FAM227B: variants seen among roughly 807,000 people sequenced by gnomAD.
The protein encoded by FAM227B is protein FAM227B.
FAM227B carries 88 observed loss-of-function variants against 73.8 expected under a neutral mutation model. The observed-to-expected ratio is 1.19, with a 90% CI of 1.00 to 1.42. The LOEUF is 1.42. Among genes scored for constraint, FAM227B ranks in the 40% most tolerant of loss-of-function variants. FAM227B has a pLI of 0.00. For synonymous variants in FAM227B, 210 were observed against 190.5 expected (o/e 1.10, Z -0.84); for missense variants, 632 against 590.9 (o/e 1.07, Z -0.72).
At chr15:49,538,850 C>A (rs1049800409) in intron 10 of FAM227B, among the ~76,000 whole-genome samples, 1 of 151,878 alleles carries the variant, frequency 6.6e-6, no homozygotes, top group Non-Finnish European at 1.5e-5. Flanking sequence ...GTATCTTTTT[C>A]TATTGTTTAG....
intron 11 of FAM227B, among the ~76,000 whole-genome samples, chr15:49,411,454 T>C (rs2048868037): frequency 6.6e-6 from 1 of 152,142 alleles, no homozygotes. Context: ...ACTTCTGAGT[T>C]TGCATTCTGG....
chr15:49,409,521 A>T (rs940166558), intron 11 of FAM227B, among the ~76,000 whole-genome samples: 3 of 149,524 alleles, frequency 2.0e-5, no homozygotes, highest in Non-Finnish European at 4.4e-5. Flanking sequence ...ATATATAGTT[A>T]TATATATGTA....
chr15:49,573,387 T>G (rs1284868748), intron 8 of FAM227B, among the ~76,000 whole-genome samples: 1 of 152,174 alleles, frequency 6.6e-6, no homozygotes, highest in Admixed American at 6.5e-5. Context: ...GAAAAATGTG[T>G]ATTCTGCTGT....
chr15:49,419,775 AT>A (rs1567240635), intron 11 of FAM227B, among the ~76,000 whole-genome samples: 3 of 151,388 alleles, frequency 2.0e-5, no homozygotes, highest in Non-Finnish European at 2.9e-5. Flanking sequence ...TATTATTATT[AT>A]TTTTTTATTT....
rs1476978883 is a variant in FAM227B at position 49,327,256 on chromosome 15, A to C, written c.*1312T>G. ...ATGTCAACTTCTGAGTCCAATAATCAGACTAGCTCCAGAAGGCACAGGGAA... is the reference window on the plus strand; with the variant it reads ...ATGTCAACTTCTGAGTCCAATAATCCGACTAGCTCCAGAAGGCACAGGGAA... On this transcript the variant is annotated 3_prime_UTR_variant, in exon 16 of 16. Transcript: ENST00000299338. 2.6e-5 allele frequency: 4 copies of C among 152,236 alleles called. No homozygotes were observed. The highest frequency in any genetic ancestry group is 4.4e-5 in the Non-Finnish European group (3 of 68,050). 9.4% of individuals were successfully genotyped at this position (152,236 alleles called of 1,614,324 possible).
At chr15:49,442,438 A>G (rs533993341) in intron 11 of FAM227B, among the ~76,000 whole-genome samples, 4 of 151,868 alleles carry the variant, frequency 2.6e-5, no homozygotes, top group Admixed American at 2.6e-4. Flanking sequence ...GTATACAAAC[A>G]TAAGGCATTA....
intron 10 of FAM227B, among the ~76,000 whole-genome samples, chr15:49,508,593 G>T (rs1015368793): frequency 6.6e-6 from 1 of 151,774 alleles, no homozygotes; most frequent in Non-Finnish European, 1.5e-5. Flanking sequence ...GTTGGTAAAT[G>T]GGAAAGTATG....
At position 49,491,916 on chromosome 15, in the gene FAM227B, C is replaced by T. The variant is rs549523563; in HGVS notation, c.1012+16295G>A. Among the ~76,000 whole-genome samples, 26 of 151,722 alleles carry T rather than the reference C, an allele frequency of 1.7e-4. No homozygotes were observed. In the South Asian group the frequency reaches 2.5e-3, roughly 15 times the overall value. On this transcript the variant is annotated intron_variant, in intron 11 of 15. Transcript: ENST00000299338. ...CATGTAATCTGGTAAGGAAATAGAA[C>T]GTCAAAAAGTACTTAATACTATTAA...
chr15:49,591,370 T>TCCCC (rs2076552965), intron 3 of FAM227B, among the ~76,000 whole-genome samples: 1 of 40,090 alleles, frequency 2.5e-5, no homozygotes, highest in African/African-American at 9.5e-5. Flanking sequence ...ACACCCTCCC[T>TCCCC]CCCTCCCTCC....
chr15:49,549,788 A>C (rs917064602), intron 9 of FAM227B, among the ~76,000 whole-genome samples: 15 of 152,254 alleles, frequency 9.9e-5, no homozygotes, highest in African/African-American at 3.4e-4. Context: ...TTTCTATTCC[A>C]CAAAACCGCC....
chr15:49,537,874 G>C (rs2070495536), intron 10 of FAM227B, among the ~76,000 whole-genome samples: 1 of 152,080 alleles, frequency 6.6e-6, no homozygotes, highest in African/African-American at 2.4e-5. Context: ...CAAAGATACA[G>C]AAATAAAGAA....
rs902307316 is a variant in FAM227B, at chr15:49,413,474, T to C, written c.1013-42075A>G. On this transcript the variant is annotated intron_variant, in intron 11 of 15. Transcript: ENST00000299338. The stretch of plus-strand genomic sequence containing the variant: ...CTCGGGTATGACTTTATCAGCAGCA[T>C]AAGAACAGACTAATAACAGTCTCCA... 2.0e-5 allele frequency among the ~76,000 whole-genome samples: 3 copies of C among 152,204 alleles called. No homozygotes were observed. In the East Asian group the frequency reaches 5.8e-4, roughly 29 times the overall value.
At chr15:49,368,947 TTTTTG>T (rs1240658461) in intron 12 of FAM227B, among the ~76,000 whole-genome samples, 1 of 151,968 alleles carries the variant, frequency 6.6e-6, no homozygotes, top group Non-Finnish European at 1.5e-5. Context: ...CGTGGTGTTG[TTTTTG>T]TTTTGTTTTT....
At chr15:49,462,753 A>G (rs1360813867) in intron 11 of FAM227B, among the ~76,000 whole-genome samples, 1 of 152,232 alleles carries the variant, frequency 6.6e-6, no homozygotes, top group African/African-American at 2.4e-5. Context: ...GAAAGATAAG[A>G]TATGATATAT....
intron 5 of FAM227B, among the ~76,000 whole-genome samples, chr15:49,587,029 A>G (rs776796472): frequency 2.0e-5 from 3 of 152,072 alleles, no homozygotes; most frequent in Non-Finnish European, 4.4e-5. Flanking sequence ...ACACATGCAA[A>G]TACATGTTCA....
chr15:49,494,991 T>C (rs1174876380), intron 11 of FAM227B, among the ~76,000 whole-genome samples: 1 of 152,216 alleles, frequency 6.6e-6, no homozygotes, highest in African/African-American at 2.4e-5. Context: ...TATATCACAT[T>C]GTTTTATGCA....
At chr15:49,426,932 G>A (rs1042084558) in intron 11 of FAM227B, among the ~76,000 whole-genome samples, 64 of 151,876 alleles carry the variant, frequency 4.2e-4, no homozygotes, top group African/African-American at 1.4e-3. Context: ...TAAAACTGTC[G>A]TAAGGTTATG....
At chr15:49,551,872 AT>A (rs1415744104) in intron 9 of FAM227B, among the ~76,000 whole-genome samples, 2 of 152,204 alleles carry the variant, frequency 1.3e-5, no homozygotes, top group Non-Finnish European at 2.9e-5. Context: ...TAAAAACTCA[AT>A]GGTTTAAATT....
At chr15:49,358,435 C>T in intron 13 of FAM227B, among the ~76,000 whole-genome samples, 1 of 136,008 alleles carries the variant, frequency 7.4e-6, no homozygotes, top group Admixed American at 7.3e-5. Flanking sequence ...CATTCTTATA[C>T]ACCAACAACA....
Sources: allele counts gnomAD v4.1 joint callset (sites outside exome capture counted in the v4.1 genomes callset), GRCh38; gene constraint gnomAD v4.1.1; transcripts MANE v1.5; gene names NCBI Gene and HGNC (gene_info 2026-07-23, HGNC 2026-07-21).